Variants in TREML2 observed in about 807,000 individuals in gnomAD.
The protein encoded by TREML2 is trem-like transcript 2 protein.
Under a neutral mutation model 25.9 loss-of-function variants are expected in TREML2, and 24 were observed. The ratio of observed to expected loss-of-function variants is 0.93; its 90% CI spans 0.67 to 1.30. The LOEUF (loss-of-function observed/expected upper bound fraction) is 1.30, where lower values mean the gene tolerates loss of function less well. Among genes scored for constraint, TREML2 ranks in the 50% most tolerant of loss-of-function variants. The pLI is 0.00. For missense variants in TREML2, 359 were observed against 395.6 expected, an observed-to-expected ratio of 0.91 and a Z score of 0.78; for synonymous variants, 139 against 155.2, an observed-to-expected ratio of 0.90 and a Z score of 0.77.
At chr6:41,199,314 T>C (rs1766235088) in intron 1 of TREML2, among the ~76,000 whole-genome samples, 1 of 152,236 alleles carries the variant, frequency 6.6e-6, no homozygotes, top group African/African-American at 2.4e-5. Context: ...TTAACAGTTA[T>C]TTATTTCACA....
intron 4 of TREML2, 100 bp from the exon 5 acceptor site, chr6:41,192,606 T>C: frequency 7.7e-7 from 1 of 1,295,824 alleles, no homozygotes; most frequent in African/African-American, 1.5e-5. Flanking sequence ...TGCCTCTGGT[T>C]CCTTCCAGGT....
Position 41,192,783 on chromosome 6 carries a change from G to C in TREML2, c.886+18C>G. On this transcript the variant is annotated intron_variant, in intron 4 of 4. Transcript: ENST00000483722. The stretch of plus-strand genomic sequence containing the variant: ...CAGAGCTCTGCCCTCAGGAGGCTGG[G>C]AGGTGGGCTCTACTCACTTGCCATG... 6.2e-7 allele frequency: 1 copy of C among 1,604,966 alleles called. No homozygotes were observed. The highest frequency in any genetic ancestry group is 8.5e-7 in the Non-Finnish European group (1 of 1,173,362).
In TREML2 at chr6:41,198,279, C is replaced by G. The variant is rs77093113; in HGVS notation, c.206G>C (p.Arg69Pro). Residue 69 changes from arginine to proline, a missense_variant, in exon 2 of 5, where the codon CGA (arginine) becomes CCA (proline). Physicochemically the swap from Arg to Pro is moderately radical, Grantham distance 103. Transcript: ENST00000483722. ...RKKKCEPGFA[R>P]VWVKGPRYLL... is the part of the protein sequence containing the mutation. ...GTAGCGGGGCCCTTTCACCCAGACTCGGGCAAAGCCAGGCTCACACTTCTT... is the reference window on the plus strand; with the variant it reads ...GTAGCGGGGCCCTTTCACCCAGACTGGGGCAAAGCCAGGCTCACACTTCTT... 3.7e-6 allele frequency: 6 copies of G among 1,612,132 alleles called. No individual in the cohort carries two copies. In the African/African-American group the frequency reaches 6.7e-5, roughly 18 times the overall value.
chr6:41,198,180 C>G lies in TREML2; in HGVS notation c.305G>C (p.Arg102Pro). 1 of 1,614,218 alleles carries G rather than the reference C, an allele frequency of 6.2e-7. No homozygotes were observed. The highest frequency in any genetic ancestry group is 8.5e-7 in the Non-Finnish European group (1 of 1,180,024). ...AGAGGTGTTGCGCATGCACCAGTAT[C>G]GGCCTGAGTCCTGGAGCTTGAGGGC... ...MVALKLQDSG[R>P]YWCMRNTSGI... Residue 102 changes from arginine (R) to proline (P), a missense_variant, in exon 2 of 5, where the codon CGA (arginine) becomes CCA (proline). Arg to Pro is a moderately radical substitution (Grantham distance 103). Coordinates refer to ENST00000483722, the MANE Select transcript of TREML2 (RefSeq NM_024807.4).
intron 4 of TREML2, 85 bp downstream of exon 4, chr6:41,192,704 GCCAAGGGCCATA>G: frequency 1.6e-6 from 2 of 1,265,462 alleles, no homozygotes; most frequent in Non-Finnish European, 2.2e-6. Context: ...CTGGACACAG[GCCAAGGGCCATA>G]CCACGTGGGG....
intron 2 of TREML2, among the ~76,000 whole-genome samples, chr6:41,196,668 AC>A (rs1766171720): frequency 6.6e-6 from 1 of 151,974 alleles, no homozygotes; most frequent in African/African-American, 2.4e-5. Flanking sequence ...TCCAAAAGAA[AC>A]CCCTTACTGT....
chr6:41,196,987 T>C (rs745690632), intron 2 of TREML2, among the ~76,000 whole-genome samples: 19 of 152,230 alleles, frequency 1.2e-4, no homozygotes, highest in Non-Finnish European at 2.5e-4. Flanking sequence ...AATGGTACCA[T>C]CATCCACCTG....
chr6:41,194,002 C>A (rs61682845), intron 3 of TREML2, among the ~76,000 whole-genome samples: 2,126 of 145,636 alleles, frequency 0.015, 66 homozygotes, highest in African/African-American at 0.051. Context: ...TTATCCCGAC[C>A]CTCCTCTCTG....
chr6:41,192,240 C>T lies in TREML2; in HGVS notation c.*187G>A. 3.3e-6 allele frequency: 2 copies of T among 600,098 alleles called. No individual in the cohort carries two copies. Among genetic ancestry groups the T allele is most frequent in the South Asian group, 4.0e-5 (2 of 50,400 alleles). 37.2% of individuals were successfully genotyped at this position (600,098 alleles called of 1,614,324 possible). ...TGGGCCCCTCCCCAGGTTCCTGCCC[C>T]CAAGGAGAACACTGGGCTGTGGGGC... On this transcript the variant is annotated 3_prime_UTR_variant, in exon 5 of 5. Transcript: ENST00000483722.
intron 1 of TREML2, among the ~76,000 whole-genome samples, chr6:41,199,211 A>G (rs1175511356): frequency 2.0e-5 from 3 of 152,256 alleles, no homozygotes; most frequent in Non-Finnish European, 4.4e-5. Context: ...TCAGTGAGAC[A>G]GATGCAGAGA....
At position 41,194,670 on chromosome 6, in the gene TREML2, G is replaced by A. The variant is rs576566590; in HGVS notation, c.540C>T (p.Ala180=). The A allele has an allele frequency of 1.3e-5, 21 of 1,614,102 alleles. No homozygotes were observed. In the South Asian group the frequency reaches 1.5e-4, roughly 12 times the overall value. ...PGLITLPRLL[A]STRPASKTGY... is the part of the protein sequence containing the mutation. ...CTGTCTTGGAGGCAGGTCTGGTGGA[G>A]GCTAAGAGCCTAGGCAAGGTGATGA... The change falls in exon 3 of 5, where the codon GCC becomes GCT. Residue 180 remains alanine, a synonymous_variant. Coordinates refer to ENST00000483722, the MANE Select transcript of TREML2 (RefSeq NM_024807.4).
chr6:41,192,696 G>T, intron 4 of TREML2, 105 bp downstream of exon 4: 3 of 1,217,886 alleles, frequency 2.5e-6, no homozygotes, highest in Non-Finnish European at 2.4e-6. Context: ...CCTTTTGACT[G>T]GACACAGGCC....
chr6:41,190,503 T>G lies in TREML2; in HGVS notation c.*1924A>C, dbSNP rs950822075. 6.6e-6 allele frequency: 1 copy of G among 152,278 alleles called. No homozygotes were observed. Among genetic ancestry groups the G allele is most frequent in the African/African-American group, 2.4e-5 (1 of 41,478 alleles). 9.4% of individuals were successfully genotyped at this position (152,278 alleles called of 1,614,324 possible). The stretch of plus-strand genomic sequence containing the variant: ...AGGCATTTGCATCATTGTACAATGC[T>G]AATGTTATTTTATCTTGAAAACAAT... On this transcript the variant is annotated 3_prime_UTR_variant, in exon 5 of 5. Transcript: ENST00000483722.
intron 1 of TREML2, 58 bp downstream of exon 1, chr6:41,200,896 T>C (rs1215862193): frequency 1.4e-6 from 2 of 1,423,318 alleles, no homozygotes; most frequent in Non-Finnish European, 9.3e-7. Flanking sequence ...AAAAAGGCCC[T>C]GAGCTCCTGC....
intron 1 of TREML2, among the ~76,000 whole-genome samples, chr6:41,199,376 T>G (rs11752528): frequency 0.81 from 122,676 of 152,214 alleles, 49,508 homozygotes; most frequent in East Asian, 0.91. Flanking sequence ...GTTCATTCCA[T>G]CTGGTGTTTA....
intron 3 of TREML2, among the ~76,000 whole-genome samples, chr6:41,193,548 T>C (rs1167039935): frequency 6.6e-6 from 1 of 152,046 alleles, no homozygotes; most frequent in South Asian, 2.1e-4. Flanking sequence ...AAGTACTCTT[T>C]ATTAGAGGCC....
intron 2 of TREML2, among the ~76,000 whole-genome samples, chr6:41,197,482 C>A (rs1178191341): frequency 2.0e-5 from 3 of 152,082 alleles, no homozygotes; most frequent in Non-Finnish European, 4.4e-5. Context: ...TTCAAAGCAC[C>A]CAGATTTCAA....
At chr6:41,196,267 A>G (rs6915083) in intron 2 of TREML2, among the ~76,000 whole-genome samples, 76,013 of 152,078 alleles carry the variant, frequency 0.5, 20,486 homozygotes, top group African/African-American at 0.71. Context: ...GGTCTCACTC[A>G]GAACTGGAGA....
intron 3 of TREML2, among the ~76,000 whole-genome samples, chr6:41,193,540 G>A (rs1329093138): frequency 6.6e-6 from 1 of 151,968 alleles, no homozygotes; most frequent in African/African-American, 2.4e-5. Context: ...GCTTGGTTAA[G>A]TACTCTTTAT....
Sources: allele counts gnomAD v4.1 joint callset (sites outside exome capture counted in the v4.1 genomes callset), GRCh38; gene constraint gnomAD v4.1.1; transcripts MANE v1.5; gene names NCBI Gene and HGNC (gene_info 2026-07-23, HGNC 2026-07-21).